PAX3: variants seen among roughly 807,000 people sequenced by gnomAD.
PAX3 encodes paired box protein Pax-3.
In PAX3, 14 loss-of-function variants were observed where a neutral mutation model predicts 51.6. That is an observed-to-expected ratio of 0.27 (90% CI 0.18 to 0.42). PAX3 has a LOEUF of 0.42. Ranked by LOEUF, PAX3 falls within the 10% of genes least tolerant of loss-of-function variation. The pLI is 1.00. For synonymous variants in PAX3, 280 were observed against 253.4 expected, an observed-to-expected ratio of 1.11 and a Z score of -1.00; for missense variants, 540 against 642.8, an observed-to-expected ratio of 0.84 and a Z score of 1.73.
chr2:222,290,886 G>A (rs1331599414), intron 4 of PAX3, among the ~76,000 whole-genome samples: 1 of 151,518 alleles, frequency 6.6e-6, no homozygotes, highest in Non-Finnish European at 1.5e-5. Context: ...ATGGGGGGAG[G>A]TTGCAGAAAT....
intron 4 of PAX3, among the ~76,000 whole-genome samples, chr2:222,285,243 T>C (rs1307499375): frequency 6.6e-6 from 1 of 152,232 alleles, no homozygotes. Context: ...TCACATTACA[T>C]TTGAATATTG....
At chr2:222,293,697 A>T (rs1266734191) in intron 4 of PAX3, 2 of 1,614,184 alleles carry the variant, frequency 1.2e-6, no homozygotes, top group Admixed American at 3.3e-5. Context: ...GCCGTTGCCC[A>T]AAAGAGTACT....
At chr2:222,234,949 TA>T in intron 4 of PAX3, among the ~76,000 whole-genome samples, 1 of 152,214 alleles carries the variant, frequency 6.6e-6, no homozygotes, top group Non-Finnish European at 1.5e-5. Flanking sequence ...CAATAGCATT[TA>T]AAGACTGACC....
At chr2:222,281,170 A>G (rs966628408) in intron 4 of PAX3, among the ~76,000 whole-genome samples, 2 of 152,190 alleles carry the variant, frequency 1.3e-5, no homozygotes, top group East Asian at 1.9e-4. Flanking sequence ...CTGCTAGTCC[A>G]CCGGGGGCAC....
In PAX3 at chr2:222,229,581, C is replaced by A. The variant is rs528743408; in HGVS notation, c.792+2497G>T. On this transcript the variant is annotated intron_variant, in intron 5 of 8. Coordinates refer to ENST00000392070, the MANE Select transcript of PAX3 (RefSeq NM_181458.4). ...TGCCATTCCCACTGCCACTACCTAT[C>A]TCATGCCATAGCCCCCACTCCCTGT... 9.9e-5 allele frequency among the ~76,000 whole-genome samples: 15 copies of A among 152,240 alleles called. No individual in the cohort carries two copies. In the South Asian group the frequency reaches 1.0e-3, roughly 11 times the overall value.
intron 7 of PAX3, among the ~76,000 whole-genome samples, chr2:222,204,165 A>G (rs1691416241): frequency 6.6e-6 from 1 of 152,214 alleles, no homozygotes; most frequent in African/African-American, 2.4e-5. Context: ...GGATTTGGAG[A>G]AAGTGAAAGT....
At chr2:222,201,650 A>C (rs997975254) in intron 8 of PAX3, 14 of 1,349,632 alleles carry the variant, frequency 1.0e-5, no homozygotes, top group Non-Finnish European at 1.2e-5. Context: ...CATTAAGAAC[A>C]TGTGTTTCTA....
At chr2:222,201,511 A>G in intron 8 of PAX3, 69 bp from the exon 9 acceptor site, 1 of 1,565,466 alleles carries the variant, frequency 6.4e-7, no homozygotes, top group Non-Finnish European at 8.8e-7. Context: ...AAGATCAGCT[A>G]CAGGCTGACA....
chr2:222,208,207 G>T (rs1359951240), intron 7 of PAX3, among the ~76,000 whole-genome samples: 2 of 151,974 alleles, frequency 1.3e-5, no homozygotes, highest in Non-Finnish European at 2.9e-5. Flanking sequence ...ATTCATTTAC[G>T]CATGCCTGCA....
At chr2:222,256,029 A>G (rs771232746) in intron 4 of PAX3, among the ~76,000 whole-genome samples, 4 of 144,092 alleles carry the variant, frequency 2.8e-5, no homozygotes, top group Admixed American at 7.3e-5. Flanking sequence ...TTGCCCTCCC[A>G]TGGTGCTGGG....
chr2:222,219,509 A>C (rs917377054), intron 7 of PAX3, among the ~76,000 whole-genome samples: 6 of 152,250 alleles, frequency 3.9e-5, no homozygotes, highest in African/African-American at 1.4e-4. Flanking sequence ...TGATCTCCTA[A>C]GAAAAGCTCA....
intron 4 of PAX3, among the ~76,000 whole-genome samples, chr2:222,233,786 C>G (rs1692699147): frequency 6.6e-6 from 1 of 152,140 alleles, no homozygotes; most frequent in African/African-American, 2.4e-5. Flanking sequence ...CCCCAAATAA[C>G]TAAGGGATCC....
intron 4 of PAX3, among the ~76,000 whole-genome samples, chr2:222,274,090 C>T (rs1694339949): frequency 6.6e-6 from 1 of 152,166 alleles, no homozygotes; most frequent in South Asian, 2.1e-4. Flanking sequence ...ATGCTCTCTC[C>T]ACTGTGCTCT....
chr2:222,211,538 C>T (rs1205570201), intron 7 of PAX3, among the ~76,000 whole-genome samples: 1 of 152,068 alleles, frequency 6.6e-6, no homozygotes, highest in East Asian at 1.9e-4. Flanking sequence ...TAAGTTCTTA[C>T]ACAAAGGGCT....
chr2:222,232,711 C>T (rs913351915), intron 4 of PAX3, among the ~76,000 whole-genome samples: 8 of 152,074 alleles, frequency 5.3e-5, no homozygotes, highest in African/African-American at 1.9e-4. Flanking sequence ...ATGAATGGAT[C>T]ACATTGAGTT....
At chr2:222,263,021 A>T (rs1277329452) in intron 4 of PAX3, 1 of 152,206 alleles carries the variant, frequency 6.6e-6, no homozygotes, top group South Asian at 2.1e-4. Flanking sequence ...TAAAGTCTAT[A>T]TTTTCAGAAT....
At chr2:222,241,609 C>A (rs529075127) in intron 4 of PAX3, among the ~76,000 whole-genome samples, 1 of 152,302 alleles carries the variant, frequency 6.6e-6, no homozygotes, top group East Asian at 1.9e-4. Context: ...GCCCCGAGTG[C>A]TGCATTATAA....
chr2:222,276,300 C>T (rs1386553841), intron 4 of PAX3, among the ~76,000 whole-genome samples: 2 of 152,224 alleles, frequency 1.3e-5, no homozygotes, highest in African/African-American at 4.8e-5. Flanking sequence ...GGAAGAAGAG[C>T]CGGTGTGTTC....
intron 7 of PAX3, among the ~76,000 whole-genome samples, chr2:222,215,962 G>A (rs573316299): frequency 2.6e-5 from 4 of 152,250 alleles, no homozygotes; most frequent in South Asian, 4.2e-4. Context: ...TCCAGAGATG[G>A]TGGAAAATTT....
Sources: allele counts gnomAD v4.1 joint callset (sites outside exome capture counted in the v4.1 genomes callset), GRCh38; gene constraint gnomAD v4.1.1; transcripts MANE v1.5; gene names NCBI Gene and HGNC (gene_info 2026-07-23, HGNC 2026-07-21).